The following FOXN3 variants were observed in gnomAD, a reference collection of about 807,000 sequenced individuals.
FOXN3 encodes the protein forkhead box protein N3.
FOXN3 carries 7 observed loss-of-function variants against 38.4 expected under a neutral mutation model. The ratio of observed to expected loss-of-function variants is 0.18; its 90% CI spans 0.10 to 0.34. The LOEUF is 0.34. Ranked by LOEUF, FOXN3 falls within the 10% of genes least tolerant of loss-of-function variation. The pLI, the probability that FOXN3 is intolerant of heterozygous loss-of-function variation, is 1.00. For missense variants in FOXN3, 456 were observed against 613.4 expected, an observed-to-expected ratio of 0.74 and a Z score of 2.71; for synonymous variants, 230 against 242.2, an observed-to-expected ratio of 0.95 and a Z score of 0.47.
intron 5 of FOXN3, among the ~76,000 whole-genome samples, chr14:89,176,950 C>T (rs537457694): frequency 6.6e-6 from 1 of 151,620 alleles, no homozygotes; most frequent in South Asian, 2.1e-4. Flanking sequence ...GGTATTTGGA[C>T]AATTAACTGC....
intron 4 of FOXN3, among the ~76,000 whole-genome samples, chr14:89,220,234 A>G (rs1342121191): frequency 6.6e-6 from 1 of 152,174 alleles, no homozygotes; most frequent in Non-Finnish European, 1.5e-5. Flanking sequence ...GCAGTTGAGG[A>G]TGCAGGCTCT....
At chr14:89,201,781 A>T (rs1036580294) in intron 4 of FOXN3, among the ~76,000 whole-genome samples, 6 of 152,262 alleles carry the variant, frequency 3.9e-5, no homozygotes, top group Non-Finnish European at 7.4e-5. Flanking sequence ...CACTTATTGG[A>T]AGATAGCTCC....
chr14:89,254,891 C>G (rs1768810021), intron 4 of FOXN3, among the ~76,000 whole-genome samples: 1 of 152,228 alleles, frequency 6.6e-6, no homozygotes, highest in African/African-American at 2.4e-5. Flanking sequence ...CTTCTGTTGT[C>G]CACTCCCCCA....
At chr14:89,364,862 G>A (rs1029033907) in intron 2 of FOXN3, among the ~76,000 whole-genome samples, 1 of 152,302 alleles carries the variant, frequency 6.6e-6, no homozygotes, top group Non-Finnish European at 1.5e-5. Context: ...TAGGCCCATG[G>A]GTAGAATTGT....
chr14:89,435,527 G>A (rs1275471320), intron 1 of FOXN3, among the ~76,000 whole-genome samples: 1 of 152,232 alleles, frequency 6.6e-6, no homozygotes, highest in Admixed American at 6.5e-5. Context: ...GGCGCTCCCA[G>A]ATAGACTGTG....
rs568352420 is a variant in FOXN3, at chr14:89,523,830, T to A, written c.-15+95198A>T. On this transcript the variant is annotated intron_variant, in intron 1 of 6. Coordinates refer to the FOXN3 transcript ENST00000345097. ...CAGGCTGGAGTGCAATGGTGCAATCTCAGCTCACTGCAACCTCTACCTCCC... is the reference window on the plus strand; with the variant it reads ...CAGGCTGGAGTGCAATGGTGCAATCACAGCTCACTGCAACCTCTACCTCCC... Among the ~76,000 whole-genome samples the A allele has an allele frequency of 3.9e-5, 6 of 152,060 alleles. 1 individual carries two copies. In the East Asian group the frequency reaches 9.8e-4, roughly 25 times the overall value.
At chr14:89,325,323 C>CACG (rs1566956860) in intron 3 of FOXN3, among the ~76,000 whole-genome samples, 2 of 105,516 alleles carry the variant, frequency 1.9e-5, no homozygotes, top group Non-Finnish European at 3.9e-5. Context: ...CGACCACCAC[C>CACG]ACCACCACCA....
At chr14:89,445,973 G>T (rs1892484710) in intron 1 of FOXN3, among the ~76,000 whole-genome samples, 1 of 150,200 alleles carries the variant, frequency 6.7e-6, no homozygotes, top group East Asian at 2.0e-4. Flanking sequence ...TGGAGGACAT[G>T]CACCTGTAGT....
At chr14:89,498,843 G>T (rs994513972) in intron 1 of FOXN3, among the ~76,000 whole-genome samples, 1 of 152,096 alleles carries the variant, frequency 6.6e-6, no homozygotes, top group African/African-American at 2.4e-5. Context: ...GGGGAACTGG[G>T]TGCTTTATAA....
At chr14:89,551,073 C>A (rs190087423) in intron 1 of FOXN3, among the ~76,000 whole-genome samples, 2 of 152,188 alleles carry the variant, frequency 1.3e-5, no homozygotes, top group Admixed American at 1.3e-4. Flanking sequence ...TTTGAAGTTA[C>A]GCACAATGAC....
intron 1 of FOXN3, among the ~76,000 whole-genome samples, chr14:89,615,476 T>C (rs1323444661): frequency 6.6e-6 from 1 of 152,190 alleles, no homozygotes; most frequent in South Asian, 2.1e-4. Flanking sequence ...TAAACCTAAA[T>C]GCCACAGGTT....
intron 3 of FOXN3, among the ~76,000 whole-genome samples, chr14:89,336,749 C>A (rs28744429): frequency 0.011 from 1,613 of 152,288 alleles, 29 homozygotes; most frequent in African/African-American, 0.037. Flanking sequence ...ATTTAAAATT[C>A]TTTACAGTCC....
chr14:89,481,154 T>C (rs1340139127), intron 1 of FOXN3, among the ~76,000 whole-genome samples: 1 of 152,014 alleles, frequency 6.6e-6, no homozygotes, highest in African/African-American at 2.4e-5. Context: ...TCCTGGCTGT[T>C]TGGGTTGGGA....
Position 89,548,911 on chromosome 14 carries a change from G to A in FOXN3, c.-15+70117C>T, listed in dbSNP as rs942054831. Reference sequence around the variant, plus strand: ...AGGCAGGTGGATCACCTAAGGTCAGGAGTTCGAGACCAGCCTGATCAATAT... The same window carrying A: ...AGGCAGGTGGATCACCTAAGGTCAGAAGTTCGAGACCAGCCTGATCAATAT... On this transcript the variant is annotated intron_variant, in intron 1 of 6. Transcript: ENST00000345097. This position sits in a 1 kb window ranked among gnomAD's most constrained non-coding sequence, Gnocchi z 4.8. Among the ~76,000 whole-genome samples, 1 of 152,112 alleles carries A rather than the reference G, an allele frequency of 6.6e-6. No individual in the cohort carries two copies. Among genetic ancestry groups the A allele is most frequent in the Non-Finnish European group, 1.5e-5 (1 of 68,022 alleles).
intron 1 of FOXN3, among the ~76,000 whole-genome samples, chr14:89,614,126 C>A (rs1896448173): frequency 1.3e-5 from 2 of 152,170 alleles, no homozygotes; most frequent in Non-Finnish European, 2.9e-5. Flanking sequence ...TCATTTTACT[C>A]AACACTCAAA....
chr14:89,295,592 T>C (rs1184955271), intron 3 of FOXN3, among the ~76,000 whole-genome samples: 1 of 152,034 alleles, frequency 6.6e-6, no homozygotes, highest in Non-Finnish European at 1.5e-5. Flanking sequence ...TTTTTTCCTT[T>C]TTTTTGAGGC....
At chr14:89,363,987 T>TATATATATATATATATATAA (rs1890041958) in intron 2 of FOXN3, among the ~76,000 whole-genome samples, 2 of 67,172 alleles carry the variant, frequency 3.0e-5, no homozygotes, top group African/African-American at 1.5e-4. Context: ...TATATATATA[T>TATATATATATATATATATAA]AATATATATA....
intron 4 of FOXN3, among the ~76,000 whole-genome samples, chr14:89,246,295 T>G (rs1178435423): frequency 1.3e-5 from 2 of 152,204 alleles, no homozygotes; most frequent in Non-Finnish European, 2.9e-5. Flanking sequence ...TTAATTGTGT[T>G]ACATCTTTAA....
intron 2 of FOXN3, among the ~76,000 whole-genome samples, chr14:89,389,604 C>T (rs921962465): frequency 6.6e-6 from 1 of 152,170 alleles, no homozygotes; most frequent in Non-Finnish European, 1.5e-5. Flanking sequence ...CAAATGATTG[C>T]ACAAATAAAC....
Sources: gnomAD v4.1 joint callset for allele counts (sites outside exome capture counted in the v4.1 genomes callset) on GRCh38, gnomAD v4.1.1 for gene constraint, Gnocchi (gnomAD v3.1) non-coding constraint, MANE v1.5 for transcripts, NCBI Gene and HGNC (gene_info 2026-07-23, HGNC 2026-07-21) for gene names.